FBXL17: variants seen among roughly 807,000 people sequenced by gnomAD.
FBXL17 encodes F-box and leucine rich repeat protein 17.
A neutral mutation model predicts 66.2 loss-of-function variants in FBXL17; 22 were observed. That is an observed-to-expected ratio of 0.33 (90% confidence interval 0.24 to 0.47). FBXL17 has a LOEUF of 0.47. Among genes scored for constraint, FBXL17 ranks in the 20% least tolerant of loss-of-function variants. FBXL17 has a pLI of 1.00. For synonymous variants in FBXL17, 474 were observed against 400.5 expected, an observed-to-expected ratio of 1.18 and a Z score of -2.19; for missense variants, 878 against 948.2, an observed-to-expected ratio of 0.93 and a Z score of 0.97.
intron 6 of FBXL17, among the ~76,000 whole-genome samples, chr5:108,172,372 T>C (rs1173424863): frequency 2.6e-5 from 4 of 152,094 alleles, no homozygotes; most frequent in African/African-American, 9.7e-5. Flanking sequence ...TATAAGAGGA[T>C]AGAAGGATAA....
intron 5 of FBXL17, among the ~76,000 whole-genome samples, chr5:108,210,330 G>T (rs552455118): frequency 6.6e-6 from 1 of 151,936 alleles, no homozygotes; most frequent in South Asian, 2.1e-4. Flanking sequence ...CTCTGATCTT[G>T]GTTATTTCTT....
chr5:108,097,317 G>A (rs1356935916), intron 6 of FBXL17, among the ~76,000 whole-genome samples: 1 of 152,170 alleles, frequency 6.6e-6, no homozygotes, highest in Non-Finnish European at 1.5e-5. Context: ...AAATTAACCA[G>A]TCTCAGGTAG....
At chr5:108,216,003 T>C (rs888491343) in intron 5 of FBXL17, among the ~76,000 whole-genome samples, 2 of 152,172 alleles carry the variant, frequency 1.3e-5, no homozygotes, top group South Asian at 2.1e-4. Flanking sequence ...TAATAGGACA[T>C]AGATGTGTGA....
chr5:108,088,653 A>T (rs1266515288), intron 6 of FBXL17, among the ~76,000 whole-genome samples: 1 of 129,630 alleles, frequency 7.7e-6, no homozygotes, highest in African/African-American at 2.9e-5. Context: ...GTGAGCCGAG[A>T]TTGTGCCACT....
intron 4 of FBXL17, among the ~76,000 whole-genome samples, chr5:108,239,459 C>T (rs151025254): frequency 2.8e-4 from 43 of 152,268 alleles, no homozygotes; most frequent in Admixed American, 2.6e-4. Context: ...CCTGTCATAG[C>T]GGAAAGCAAC....
chr5:108,015,111 T>C (rs543481182), intron 7 of FBXL17, among the ~76,000 whole-genome samples: 67 of 151,938 alleles, frequency 4.4e-4, no homozygotes, highest in African/African-American at 1.6e-3. Context: ...AAAAAGAACA[T>C]AACACCTGCT....
intron 7 of FBXL17, among the ~76,000 whole-genome samples, chr5:107,930,202 T>G (rs1750683496): frequency 6.6e-6 from 1 of 152,196 alleles, no homozygotes; most frequent in Non-Finnish European, 1.5e-5. Context: ...CCACGGCCTA[T>G]ATGAGTTATG....
chr5:108,084,318 A>G (rs1748887868), intron 6 of FBXL17, among the ~76,000 whole-genome samples: 1 of 152,204 alleles, frequency 6.6e-6, no homozygotes, highest in Non-Finnish European at 1.5e-5. Context: ...TAACCTTGCC[A>G]AGGGCTATGT....
intron 7 of FBXL17, among the ~76,000 whole-genome samples, chr5:107,991,964 G>C (rs189982847): frequency 5.2e-4 from 79 of 152,232 alleles, no homozygotes; most frequent in African/African-American, 1.6e-3. Context: ...AAAACTAATT[G>C]CTTAAATCAG....
intron 6 of FBXL17, among the ~76,000 whole-genome samples, 164 bp downstream of exon 6, chr5:108,185,953 T>A (rs1425563440): frequency 2.0e-5 from 3 of 152,216 alleles, no homozygotes; most frequent in Non-Finnish European, 4.4e-5. Flanking sequence ...AAGCAACAGA[T>A]GCATTAAAAG....
chr5:108,197,065 T>TC (rs1337147220), intron 5 of FBXL17, among the ~76,000 whole-genome samples: 1 of 152,074 alleles, frequency 6.6e-6, no homozygotes, highest in Non-Finnish European at 1.5e-5. Context: ...ACTCTGGCAG[T>TC]CACACAGTCT....
chr5:107,930,079 T>C (rs577472679), intron 7 of FBXL17, among the ~76,000 whole-genome samples: 22 of 152,236 alleles, frequency 1.4e-4, no homozygotes, highest in Admixed American at 1.3e-3. Flanking sequence ...CCCCAACCAT[T>C]CTGTACACAG....
chr5:108,157,342 C>T (rs1752033621), intron 6 of FBXL17, among the ~76,000 whole-genome samples: 1 of 151,734 alleles, frequency 6.6e-6, no homozygotes, highest in African/African-American at 2.4e-5. Flanking sequence ...ATACACATTC[C>T]GTGAACAAAT....
chr5:108,304,606 C>A (rs1384419856), intron 4 of FBXL17, among the ~76,000 whole-genome samples: 2 of 151,794 alleles, frequency 1.3e-5, no homozygotes, highest in Admixed American at 1.3e-4. Context: ...AATAAATACA[C>A]CTATCTGCAA....
intron 7 of FBXL17, among the ~76,000 whole-genome samples, chr5:107,899,603 C>T (rs1399050504): frequency 6.6e-6 from 1 of 152,168 alleles, no homozygotes; most frequent in African/African-American, 2.4e-5. Flanking sequence ...CTGCACTGCA[C>T]TCCAGTCCTC....
chr5:107,878,738 A>C, intron 8 of FBXL17: 1 of 985,488 alleles, frequency 1.0e-6, no homozygotes, highest in Non-Finnish European at 1.2e-6. Context: ...TTTTCTGTGC[A>C]AGGCTTTACT....
chr5:107,957,483 TA>T (rs1285013265), intron 7 of FBXL17, among the ~76,000 whole-genome samples: 1 of 151,996 alleles, frequency 6.6e-6, no homozygotes. Flanking sequence ...CAGTTAGAAA[TA>T]TATTATTTAA....
chr5:108,169,310 A>G (rs1242255177), intron 6 of FBXL17, among the ~76,000 whole-genome samples: 3 of 152,254 alleles, frequency 2.0e-5, no homozygotes, highest in African/African-American at 7.2e-5. Context: ...CAACAAGATC[A>G]TAACATCCAA....
At chr5:108,362,296 C>A (rs760487622) in intron 3 of FBXL17, among the ~76,000 whole-genome samples, 3 of 152,104 alleles carry the variant, frequency 2.0e-5, no homozygotes, top group Non-Finnish European at 2.9e-5. Flanking sequence ...TACTGAGCTC[C>A]ATGAGCTGGA....
Sources: gnomAD v4.1 joint callset for allele counts (sites outside exome capture counted in the v4.1 genomes callset) on GRCh38, gnomAD v4.1.1 for gene constraint, MANE v1.5 for transcripts, NCBI Gene and HGNC (gene_info 2026-07-23, HGNC 2026-07-21) for gene names.